The following NCAM2 variants were observed in gnomAD, a reference collection of about 807,000 sequenced individuals.
The protein encoded by NCAM2 is neural cell adhesion molecule 2.
Under a neutral mutation model 98.1 loss-of-function variants are expected in NCAM2, and 30 were observed. The observed-to-expected ratio is 0.31, with a 90% CI of 0.23 to 0.41. The LOEUF is 0.41. NCAM2 is among the 10% of genes least tolerant of loss of function. NCAM2 has a pLI of 1.00. For synonymous variants in NCAM2, 368 were observed against 342.4 expected (o/e 1.07, Z -0.83); for missense variants, 867 against 1,005.8 (o/e 0.86, Z 1.87).
At chr21:21,175,104 A>G (rs1396267721) in intron 1 of NCAM2, among the ~76,000 whole-genome samples, 1 of 152,166 alleles carries the variant, frequency 6.6e-6, no homozygotes, top group Non-Finnish European at 1.5e-5. Flanking sequence ...ACATAATTTG[A>G]TATGTCTTTT....
intron 1 of NCAM2, among the ~76,000 whole-genome samples, chr21:21,201,625 G>T (rs1482253497): frequency 2.0e-5 from 3 of 152,082 alleles, no homozygotes; most frequent in Non-Finnish European, 4.4e-5. Flanking sequence ...CTTAAACTTG[G>T]GTACACAATG....
chr21:21,233,790 A>G (rs1190424355), intron 1 of NCAM2, among the ~76,000 whole-genome samples: 1 of 151,790 alleles, frequency 6.6e-6, no homozygotes, highest in African/African-American at 2.4e-5. Flanking sequence ...TTGGGTCATA[A>G]TATAGTTTCT....
intron 15 of NCAM2, among the ~76,000 whole-genome samples, chr21:21,493,278 G>T (rs1240866374): frequency 6.6e-6 from 1 of 151,844 alleles, no homozygotes; most frequent in African/African-American, 2.4e-5. Flanking sequence ...TTTGTTAAAG[G>T]ACAGAAAAGT....
At position 21,081,789 on chromosome 21, in the gene NCAM2, A is replaced by G. The variant is rs1180924843; in HGVS notation, c.55+83171A>G. On this transcript the variant is annotated intron_variant, in intron 1 of 17. Coordinates refer to ENST00000400546, the MANE Select transcript of NCAM2 (RefSeq NM_004540.5). ...GCACTCCAGCCAGGGTGGCAGAATG[A>G]GACTCCCTCTCAAAGAAAAAGAAAA... is the stretch of plus-strand genomic sequence containing the variant. 3.3e-5 allele frequency among the ~76,000 whole-genome samples: 5 copies of G among 151,954 alleles called. No individual in the cohort carries two copies. The East Asian group carries it at 9.7e-4, about 29-fold the overall frequency.
intron 9 of NCAM2, among the ~76,000 whole-genome samples, chr21:21,384,838 T>G (rs1355891016): frequency 6.6e-6 from 1 of 152,106 alleles, no homozygotes; most frequent in East Asian, 1.9e-4. Flanking sequence ...CAGTTCAGGT[T>G]TTATTTTTTG....
chr21:21,260,777 C>G (rs1396155846), intron 1 of NCAM2, among the ~76,000 whole-genome samples: 3 of 152,044 alleles, frequency 2.0e-5, no homozygotes, highest in African/African-American at 7.2e-5. Flanking sequence ...GTTCACAGAT[C>G]CTGTAAATCC....
chr21:21,427,233 A>G (rs2146000107), intron 11 of NCAM2, among the ~76,000 whole-genome samples: 1 of 152,280 alleles, frequency 6.6e-6, no homozygotes, highest in South Asian at 2.1e-4. Context: ...AACAAAAAAA[A>G]GAGATCTTTA....
intron 1 of NCAM2, among the ~76,000 whole-genome samples, chr21:21,005,408 A>G (rs146643618): frequency 6.6e-6 from 1 of 152,328 alleles, no homozygotes; most frequent in African/African-American, 2.4e-5. Flanking sequence ...CTTAATAGAA[A>G]TAGGAAAAAT....
At chr21:21,492,207 T>G (rs1046329033) in intron 15 of NCAM2, among the ~76,000 whole-genome samples, 3 of 151,814 alleles carry the variant, frequency 2.0e-5, no homozygotes, top group Non-Finnish European at 4.4e-5. Flanking sequence ...ACTTTGATTC[T>G]CAGTTTTCCT....
intron 9 of NCAM2, among the ~76,000 whole-genome samples, chr21:21,394,328 G>T (rs769640628): frequency 2.0e-5 from 3 of 151,812 alleles, no homozygotes; most frequent in Non-Finnish European, 2.9e-5. Context: ...TGTGCCAAAA[G>T]ATATATTAGT....
chr21:21,291,216 A>C (rs1314328880), intron 4 of NCAM2, among the ~76,000 whole-genome samples: 1 of 151,874 alleles, frequency 6.6e-6, no homozygotes, highest in Non-Finnish European at 1.5e-5. Context: ...AGATCTATGG[A>C]TGTGTTAATT....
intron 1 of NCAM2, among the ~76,000 whole-genome samples, chr21:21,224,377 A>G (rs2147149073): frequency 1.3e-5 from 2 of 152,272 alleles, no homozygotes; most frequent in East Asian, 3.9e-4. Context: ...TTTAAAGATA[A>G]CCCAGGTAGA....
intron 5 of NCAM2, among the ~76,000 whole-genome samples, chr21:21,299,301 T>G (rs2073619043): frequency 1.6e-5 from 2 of 127,014 alleles, no homozygotes; most frequent in South Asian, 4.8e-4. Context: ...ATCTCTTGCC[T>G]TTTTTTTTTT....
At chr21:21,530,114 T>C (rs1304120097) in intron 16 of NCAM2, among the ~76,000 whole-genome samples, 2 of 145,098 alleles carry the variant, frequency 1.4e-5, no homozygotes, top group African/African-American at 2.5e-5. Flanking sequence ...TATAATTTAA[T>C]TTAATTTAAT....
chr21:21,009,470 G>A lies in NCAM2; in HGVS notation c.55+10852G>A, dbSNP rs539074575. ...GCTTGGAATAGAGAAAACTGAAATC[G>A]TTCTGTAAGATTTGTTCTTTTGAAG... On this transcript the variant is annotated intron_variant, in intron 1 of 17. Transcript: ENST00000400546. 8.6e-5 allele frequency among the ~76,000 whole-genome samples: 13 copies of A among 152,000 alleles called. No homozygotes were observed. The East Asian group carries it at 1.7e-3, about 20-fold the overall frequency.
chr21:21,380,263 A>G (rs2076124840), intron 9 of NCAM2, among the ~76,000 whole-genome samples: 1 of 152,154 alleles, frequency 6.6e-6, no homozygotes, highest in African/African-American at 2.4e-5. Context: ...TAGCTGTTTG[A>G]TCACATTAAG....
intron 9 of NCAM2, among the ~76,000 whole-genome samples, chr21:21,404,498 G>A (rs916137880): frequency 2.6e-4 from 39 of 152,078 alleles, no homozygotes; most frequent in Non-Finnish European, 4.4e-4. Context: ...CTTCTGCCAC[G>A]ACTGTGAGGC....
intron 1 of NCAM2, among the ~76,000 whole-genome samples, chr21:21,147,883 A>G (rs1370490602): frequency 6.6e-6 from 1 of 151,234 alleles, no homozygotes; most frequent in Non-Finnish European, 1.5e-5. Flanking sequence ...CATTCTCTAT[A>G]TAATATATAG....
At chr21:21,006,289 T>A (rs559244707) in intron 1 of NCAM2, among the ~76,000 whole-genome samples, 1 of 152,242 alleles carries the variant, frequency 6.6e-6, no homozygotes, top group South Asian at 2.1e-4. Flanking sequence ...GGCAGGTTGC[T>A]TGAGATCAGA....
Sources: gnomAD v4.1 joint callset for allele counts (sites outside exome capture counted in the v4.1 genomes callset) on GRCh38, gnomAD v4.1.1 for gene constraint, MANE v1.5 for transcripts, NCBI Gene and HGNC (gene_info 2026-07-23, HGNC 2026-07-21) for gene names.